SLC39A11: variants seen among roughly 807,000 people sequenced by gnomAD.
SLC39A11 encodes the protein zinc transporter ZIP11.
A neutral mutation model predicts 36.1 loss-of-function variants in SLC39A11; 33 were observed. The observed-to-expected ratio is 0.91, with a 90% CI of 0.69 to 1.22. The LOEUF (loss-of-function observed/expected upper bound fraction) is 1.22, where lower values mean the gene tolerates loss of function less well. SLC39A11 is among the 50% of genes most tolerant of loss of function. SLC39A11 has a pLI of 0.00. For synonymous variants in SLC39A11, 166 were observed against 170.3 expected (o/e 0.97, Z 0.20); for missense variants, 432 against 430.3 (o/e 1.00, Z -0.03).
intron 1 of SLC39A11, among the ~76,000 whole-genome samples, chr17:73,090,052 G>C (rs2060874689): frequency 6.6e-6 from 1 of 152,194 alleles, no homozygotes; most frequent in Admixed American, 6.5e-5. Flanking sequence ...CCAGCACCCA[G>C]AGGGCTGGCT....
chr17:72,727,870 G>A (rs1261783204), intron 7 of SLC39A11, among the ~76,000 whole-genome samples: 1 of 152,126 alleles, frequency 6.6e-6, no homozygotes, highest in Non-Finnish European at 1.5e-5. Flanking sequence ...TACACCAGAT[G>A]GCAGCAGCCA....
chr17:72,737,384 T>C (rs4793307), intron 6 of SLC39A11, among the ~76,000 whole-genome samples: 35,981 of 152,148 alleles, frequency 0.24, 4,462 homozygotes, highest in Non-Finnish European at 0.27. Flanking sequence ...ATGTTTATGG[T>C]GGGTTTCATA....
chr17:73,053,424 A>T (rs749571145), intron 3 of SLC39A11, among the ~76,000 whole-genome samples: 5 of 152,180 alleles, frequency 3.3e-5, no homozygotes, highest in Non-Finnish European at 5.9e-5. Context: ...CATCAAACCC[A>T]AACAGCTCAT....
intron 5 of SLC39A11, among the ~76,000 whole-genome samples, chr17:72,897,231 G>A (rs975024058): frequency 2.0e-5 from 3 of 152,140 alleles, no homozygotes; most frequent in Non-Finnish European, 4.4e-5. Context: ...AGTGGGGACA[G>A]ACAGTGACCT....
chr17:72,731,362 CCGCCCACATCTCA>C (rs2074207205), intron 7 of SLC39A11, among the ~76,000 whole-genome samples: 2 of 152,188 alleles, frequency 1.3e-5, no homozygotes, highest in African/African-American at 4.8e-5. Flanking sequence ...ATCTGTGTCT[CCGCCCACATCTCA>C]TGTGGAATTG....
At chr17:72,939,484 C>T (rs553954241) in intron 5 of SLC39A11, among the ~76,000 whole-genome samples, 11 of 150,720 alleles carry the variant, frequency 7.3e-5, no homozygotes, top group Non-Finnish European at 1.5e-4. Context: ...TATGACCTTA[C>T]CTAGAAATTG....
chr17:73,030,770 G>C (rs913436554), intron 4 of SLC39A11, among the ~76,000 whole-genome samples: 1 of 152,190 alleles, frequency 6.6e-6, no homozygotes, highest in African/African-American at 2.4e-5. Flanking sequence ...GGTGCATGCA[G>C]ATGACAGGGC....
intron 6 of SLC39A11, among the ~76,000 whole-genome samples, chr17:72,791,315 G>A (rs370183080): frequency 4.3e-4 from 66 of 152,204 alleles, no homozygotes; most frequent in East Asian, 7.7e-4. Context: ...TTAGCCGAGC[G>A]TGGTGGTGCA....
intron 4 of SLC39A11, among the ~76,000 whole-genome samples, chr17:73,004,412 G>A (rs1360520113): frequency 2.6e-5 from 4 of 152,174 alleles, no homozygotes; most frequent in Non-Finnish European, 5.9e-5. Flanking sequence ...ACAGGGTGAA[G>A]TAAGAAAGAC....
chr17:72,736,815 G>GA (rs2074448925), intron 6 of SLC39A11, 96 bp from the exon 7 acceptor site: 4 of 1,010,198 alleles, frequency 4.0e-6, no homozygotes, highest in Non-Finnish European at 6.3e-6. Context: ...ACTGCATGAG[G>GA]CTGCCAGTCA....
intron 4 of SLC39A11, among the ~76,000 whole-genome samples, chr17:72,958,837 C>T (rs953875961): frequency 4.6e-4 from 67 of 145,780 alleles, no homozygotes; most frequent in African/African-American, 1.6e-3. Context: ...GGCGACAGAG[C>T]GAGACTCTGT....
At chr17:72,923,569 C>A (rs918121202) in intron 5 of SLC39A11, among the ~76,000 whole-genome samples, 9 of 152,190 alleles carry the variant, frequency 5.9e-5, no homozygotes, top group African/African-American at 2.2e-4. Context: ...GACCCGTGAT[C>A]CAGCAGTAAC....
chr17:72,819,082 G>T (rs9891986), intron 6 of SLC39A11: 1 of 151,648 alleles, frequency 6.6e-6, no homozygotes, highest in Non-Finnish European at 1.5e-5. Flanking sequence ...AAATTAATAT[G>T]TGAACGTCCC....
intron 7 of SLC39A11, among the ~76,000 whole-genome samples, chr17:72,695,515 T>G (rs1211825924): frequency 6.6e-6 from 1 of 152,214 alleles, no homozygotes; most frequent in Middle Eastern, 3.2e-3. Context: ...AAAACTTCTT[T>G]CCTTTGGGAG....
chr17:73,061,934 T>G (rs2059852011), intron 3 of SLC39A11, among the ~76,000 whole-genome samples: 1 of 152,064 alleles, frequency 6.6e-6, no homozygotes, highest in Non-Finnish European at 1.5e-5. Flanking sequence ...AGGTCAATGC[T>G]GCAGTGACCT....
rs569866512 is a variant in SLC39A11, at chr17:72,804,881, G to A, written c.601+44753C>T. ...CTAAAAATACAAAAATCAGCCAGGC[G>A]TGGTGGCGTGCACCTTTAATCCCAT... On this transcript the variant is annotated intron_variant, in intron 6 of 9. Coordinates refer to ENST00000255559, the MANE Select transcript of SLC39A11 (RefSeq NM_139177.4). 1.1e-4 allele frequency among the ~76,000 whole-genome samples: 16 copies of A among 152,226 alleles called. No homozygotes were observed. In the East Asian group the frequency reaches 1.5e-3, roughly 15 times the overall value.
intron 6 of SLC39A11, among the ~76,000 whole-genome samples, chr17:72,767,402 C>T (rs1047778465): frequency 8.5e-5 from 13 of 152,212 alleles, no homozygotes; most frequent in Admixed American, 4.6e-4. Context: ...AAGGTGAGGG[C>T]TGCACAGGGT....
intron 6 of SLC39A11, among the ~76,000 whole-genome samples, chr17:72,841,627 G>T (rs1162826413): frequency 1.3e-5 from 2 of 152,170 alleles, no homozygotes. Context: ...AGACCTAGTA[G>T]TTGACAGCAC....
chr17:73,052,794 G>A (rs111246432), intron 3 of SLC39A11, among the ~76,000 whole-genome samples: 5 of 152,072 alleles, frequency 3.3e-5, no homozygotes, highest in Non-Finnish European at 5.9e-5. Flanking sequence ...TCCACCTCCC[G>A]GGTTCAAGCA....
Sources: allele counts gnomAD v4.1 joint callset (sites outside exome capture counted in the v4.1 genomes callset), GRCh38; gene constraint gnomAD v4.1.1; transcripts MANE v1.5; gene names NCBI Gene and HGNC (gene_info 2026-07-23, HGNC 2026-07-21).